The following LINGO2 variants were observed in gnomAD, a reference collection of about 807,000 sequenced individuals.
LINGO2 encodes leucine-rich repeat and immunoglobulin-like domain-containing nogo receptor-interacting protein 2.
Under a neutral mutation model 30.6 loss-of-function variants are expected in LINGO2, and 14 were observed. The ratio of observed to expected loss-of-function variants is 0.46; its 90% CI spans 0.30 to 0.72. The LOEUF is 0.72. Among genes scored for constraint, LINGO2 ranks in the 30% least tolerant of loss-of-function variants. The pLI is 0.07. For synonymous variants in LINGO2, 317 were observed against 288.5 expected (o/e 1.10, Z -1.00); for missense variants, 729 against 751.7 (o/e 0.97, Z 0.35).
intron 5 of LINGO2, among the ~76,000 whole-genome samples, chr9:27,962,412 A>T (rs560054435): frequency 6.6e-6 from 1 of 152,106 alleles, no homozygotes; most frequent in Non-Finnish European, 1.5e-5. Context: ...ATCATGGCCA[A>T]AACTGAACTA....
chr9:27,978,858 G>A (rs1314585798), intron 5 of LINGO2, among the ~76,000 whole-genome samples: 1 of 151,984 alleles, frequency 6.6e-6, no homozygotes. Context: ...ATACAGAAAA[G>A]CTATTGATTC....
chr9:28,264,250 C>A (rs1822667072), intron 4 of LINGO2, among the ~76,000 whole-genome samples: 1 of 151,830 alleles, frequency 6.6e-6, no homozygotes, highest in Admixed American at 6.6e-5. Flanking sequence ...AACAGAACTG[C>A]CAAATAGTGA....
the LINGO2 span, among the ~76,000 whole-genome samples, chr9:28,677,812 G>T: frequency 1.3e-5 from 2 of 151,908 alleles, no homozygotes; most frequent in Non-Finnish European, 2.9e-5. Context: ...CATAATTCAG[G>T]ATAGTAATTC....
the LINGO2 span, among the ~76,000 whole-genome samples, chr9:29,005,608 C>T: frequency 6.6e-6 from 1 of 151,922 alleles, no homozygotes; most frequent in Non-Finnish European, 1.5e-5. Context: ...TATAGTTGCC[C>T]CTCCGTATAC....
chr9:28,587,719 T>G (rs17776325), intron 1 of LINGO2, among the ~76,000 whole-genome samples: 5,562 of 151,642 alleles, frequency 0.037, 127 homozygotes, highest in African/African-American at 0.05. Context: ...GGAGAGGGAA[T>G]CTTAGCACAA....
At chr9:28,162,383 C>T (rs1828311091) in intron 4 of LINGO2, among the ~76,000 whole-genome samples, 2 of 152,134 alleles carry the variant, frequency 1.3e-5, no homozygotes, top group Admixed American at 6.6e-5. Flanking sequence ...TCATGTCAGA[C>T]TCTGGGTGAA....
rs59918833 is a variant in LINGO2 at position 28,522,472 on chromosome 9, G to A, written c.-364-46447C>T. 9.8e-3 allele frequency among the ~76,000 whole-genome samples: 1,490 copies of A among 152,202 alleles called. 26 individuals are homozygous for A. Among genetic ancestry groups the A allele is most frequent in the African/African-American group, 0.032 (1,311 of 41,532 alleles). On this transcript the variant is annotated intron_variant, in intron 1 of 5. Coordinates refer to ENST00000379992, the Ensembl canonical transcript of LINGO2. ...TCATCAGTTCTGAGAGGCAAATAAA[G>A]TATGATTGTATTTTAAAGAAACACT...
At chr9:28,947,178 T>C in the LINGO2 span, among the ~76,000 whole-genome samples, 161 of 152,186 alleles carry the variant, frequency 1.1e-3, no homozygotes, top group African/African-American at 3.8e-3. Flanking sequence ...TGTATCTACA[T>C]CTATATAGAT....
At chr9:28,613,704 T>C (rs12347952) in intron 1 of LINGO2, among the ~76,000 whole-genome samples, 10,943 of 152,162 alleles carry the variant, frequency 0.072, 478 homozygotes, top group African/African-American at 0.11. Context: ...TAAAGTAGTA[T>C]AAGAACTAAC....
intron 1 of LINGO2, among the ~76,000 whole-genome samples, chr9:28,576,243 T>A (rs1029429729): frequency 4.6e-5 from 7 of 152,230 alleles, no homozygotes; most frequent in African/African-American, 1.7e-4. Flanking sequence ...AGCTTGCTAA[T>A]GCCGCACAGC....
At chr9:28,408,232 A>G (rs1342034663) in intron 2 of LINGO2, among the ~76,000 whole-genome samples, 1 of 152,102 alleles carries the variant, frequency 6.6e-6, no homozygotes, top group Non-Finnish European at 1.5e-5. Context: ...AAAGCAAGAA[A>G]ATGTTTATGA....
chr9:29,190,213 T>G, the LINGO2 span, among the ~76,000 whole-genome samples: 1 of 152,172 alleles, frequency 6.6e-6, no homozygotes, highest in Non-Finnish European at 1.5e-5. Flanking sequence ...TCTAGAGATT[T>G]TTAGCACAAG....
At chr9:27,988,864 A>G (rs1457228023) in intron 5 of LINGO2, among the ~76,000 whole-genome samples, 1 of 151,762 alleles carries the variant, frequency 6.6e-6, no homozygotes. Context: ...TACCACCCTC[A>G]TCCAATTAAT....
chr9:27,966,753 A>T (rs1371779143), intron 5 of LINGO2, among the ~76,000 whole-genome samples: 1 of 152,114 alleles, frequency 6.6e-6, no homozygotes, highest in African/African-American at 2.4e-5. Flanking sequence ...AAAGAAAAAA[A>T]ATAAATATGC....
chr9:28,880,730 G>T, the LINGO2 span, among the ~76,000 whole-genome samples: 1 of 152,104 alleles, frequency 6.6e-6, no homozygotes, highest in African/African-American at 2.4e-5. Flanking sequence ...CTGCCCCTGG[G>T]AACTGAATGT....
At chr9:28,158,709 A>G (rs1828204849) in intron 4 of LINGO2, among the ~76,000 whole-genome samples, 1 of 152,130 alleles carries the variant, frequency 6.6e-6, no homozygotes, top group Admixed American at 6.5e-5. Context: ...TGCCTTTCCA[A>G]TTGCTATTTC....
chr9:28,202,900 C>A (rs1820286896), intron 4 of LINGO2, among the ~76,000 whole-genome samples: 1 of 152,108 alleles, frequency 6.6e-6, no homozygotes, highest in African/African-American at 2.4e-5. Context: ...TAATTCTTAG[C>A]TATTTTTCAT....
At chr9:28,032,500 A>G (rs115754140) in intron 4 of LINGO2, among the ~76,000 whole-genome samples, 1,654 of 152,374 alleles carry the variant, frequency 0.011, 36 homozygotes, top group African/African-American at 0.038. Context: ...TTACAGCTTA[A>G]GAGAACCAGG....
chr9:28,990,495 G>A, the LINGO2 span, among the ~76,000 whole-genome samples: 1 of 152,214 alleles, frequency 6.6e-6, no homozygotes, highest in Admixed American at 6.5e-5. Context: ...CAGCTTTGAA[G>A]AGAGCAGTGG....
Sources: gnomAD v4.1 joint callset for allele counts (sites outside exome capture counted in the v4.1 genomes callset) on GRCh38, gnomAD v4.1.1 for gene constraint, MANE v1.5 for transcripts, NCBI Gene and HGNC (gene_info 2026-07-23, HGNC 2026-07-21) for gene names.